Variants in BBS9 observed in about 807,000 individuals in gnomAD.
BBS9 encodes the protein Bardet-Biedl syndrome 9.
In BBS9, 89 loss-of-function variants were observed where a neutral mutation model predicts 117.7. The observed-to-expected ratio is 0.76, with a 90% CI of 0.64 to 0.90. BBS9 has a LOEUF of 0.90. Ranked by LOEUF, BBS9 falls within the 40% of genes least tolerant of loss-of-function variation. BBS9 has a pLI of 0.00. For missense variants in BBS9, 982 were observed against 1,042.2 expected, an observed-to-expected ratio of 0.94 and a Z score of 0.80; for synonymous variants, 379 against 370.9, an observed-to-expected ratio of 1.02 and a Z score of -0.25.
At chr7:33,156,261 A>T (rs1293051503) in intron 4 of BBS9, among the ~76,000 whole-genome samples, 2 of 152,102 alleles carry the variant, frequency 1.3e-5, no homozygotes, top group African/African-American at 4.8e-5. Flanking sequence ...TTTTTATTAT[A>T]TTTTATTTTG....
chr7:33,226,236 T>G (rs1791249999), intron 5 of BBS9, among the ~76,000 whole-genome samples: 1 of 152,212 alleles, frequency 6.6e-6, no homozygotes, highest in South Asian at 2.1e-4. Flanking sequence ...GAGATTTTTT[T>G]TTTCCAGGAG....
intron 2 of BBS9, among the ~76,000 whole-genome samples, chr7:33,148,200 G>T (rs1792717698): frequency 6.6e-6 from 1 of 152,178 alleles, no homozygotes. Flanking sequence ...AATAGAGGTA[G>T]AGATTTGGGG....
At chr7:33,363,675 A>G (rs1821063679) in intron 16 of BBS9, among the ~76,000 whole-genome samples, 1 of 149,254 alleles carries the variant, frequency 6.7e-6, no homozygotes, top group Admixed American at 6.6e-5. Flanking sequence ...AGCTATAAGT[A>G]TTTTTTAGAT....
At chr7:33,320,000 A>G (rs1811360149) in intron 9 of BBS9, among the ~76,000 whole-genome samples, 1 of 152,306 alleles carries the variant, frequency 6.6e-6, no homozygotes, top group South Asian at 2.1e-4. Context: ...TTATATTTTT[A>G]TGGGGTACAG....
chr7:33,345,037 T>G (rs1817338386), intron 12 of BBS9, among the ~76,000 whole-genome samples: 1 of 152,204 alleles, frequency 6.6e-6, no homozygotes, highest in Non-Finnish European at 1.5e-5. Context: ...AGCACGGGGA[T>G]GGTAATATCT....
At chr7:33,175,353 G>A (rs930574188) in intron 4 of BBS9, among the ~76,000 whole-genome samples, 1 of 151,778 alleles carries the variant, frequency 6.6e-6, no homozygotes, top group Admixed American at 6.6e-5. Flanking sequence ...TTAACCATTT[G>A]TGGGGACCAT....
chr7:33,521,297 T>G (rs896544741), intron 20 of BBS9, among the ~76,000 whole-genome samples: 3 of 152,208 alleles, frequency 2.0e-5, no homozygotes, highest in Non-Finnish European at 2.9e-5. Flanking sequence ...GCTTTCTGCT[T>G]GCACTGCAGC....
At chr7:33,406,316 C>G (rs528767531) in intron 19 of BBS9, among the ~76,000 whole-genome samples, 4 of 152,242 alleles carry the variant, frequency 2.6e-5, no homozygotes, top group South Asian at 4.1e-4. Context: ...AATATATATT[C>G]TGTTGATTTG....
At chr7:33,460,797 T>C (rs1839350699) in intron 19 of BBS9, among the ~76,000 whole-genome samples, 1 of 151,914 alleles carries the variant, frequency 6.6e-6, no homozygotes, top group African/African-American at 2.4e-5. Context: ...TTTAATGCAT[T>C]CACAATGTTG....
At chr7:33,513,403 T>C (rs963504447) in intron 20 of BBS9, among the ~76,000 whole-genome samples, 21 of 152,022 alleles carry the variant, frequency 1.4e-4, no homozygotes, top group African/African-American at 5.1e-4. Flanking sequence ...TATATTCTAA[T>C]AAATATAAGG....
intron 9 of BBS9, among the ~76,000 whole-genome samples, chr7:33,318,000 C>T (rs1172200229): frequency 2.0e-5 from 3 of 152,056 alleles, no homozygotes; most frequent in Admixed American, 6.5e-5. Flanking sequence ...TGCAGTGAGT[C>T]GAGATCACAC....
intron 21 of BBS9, among the ~76,000 whole-genome samples, chr7:33,552,836 G>A (rs1172602558): frequency 1.3e-5 from 2 of 152,094 alleles, no homozygotes; most frequent in Non-Finnish European, 2.9e-5. Flanking sequence ...TTCTTTCTCA[G>A]AAGATGACTT....
Position 33,234,101 on chromosome 7 carries a change from G to A in BBS9, c.443-23135G>A, listed in dbSNP as rs148275586. On this transcript the variant is annotated intron_variant, in intron 5 of 22. Transcript: ENST00000242067. ...AGCCTTCTCAATGATCACATCGACT[G>A]TGGTGGTGATCACAGTGTTTGTGTT... 2.3e-4 allele frequency among the ~76,000 whole-genome samples: 35 copies of A among 152,242 alleles called. No individual in the cohort carries two copies. In the East Asian group the frequency reaches 5.6e-3, roughly 24 times the overall value.
intron 9 of BBS9, among the ~76,000 whole-genome samples, chr7:33,306,380 G>A (rs1480149159): frequency 1.3e-5 from 2 of 151,932 alleles, no homozygotes; most frequent in Admixed American, 6.5e-5. Flanking sequence ...CCTTCCATGT[G>A]CGAAATTCAT....
At chr7:33,364,335 T>C (rs1584501034) in intron 16 of BBS9, among the ~76,000 whole-genome samples, 1 of 152,166 alleles carries the variant, frequency 6.6e-6, no homozygotes, top group Admixed American at 6.5e-5. Flanking sequence ...TGTAATTTAG[T>C]TTTTTTCTAC....
chr7:33,456,799 A>G (rs1838718674), intron 19 of BBS9, among the ~76,000 whole-genome samples: 1 of 152,230 alleles, frequency 6.6e-6, no homozygotes. Context: ...AAGTGACAAG[A>G]TGTAACATCT....
intron 19 of BBS9, among the ~76,000 whole-genome samples, chr7:33,401,442 T>C (rs779488245): frequency 3.0e-4 from 46 of 152,078 alleles, no homozygotes; most frequent in Non-Finnish European, 8.8e-5. Context: ...CCTAAGAACA[T>C]GTGCCTAAGG....
intron 5 of BBS9, among the ~76,000 whole-genome samples, chr7:33,216,440 T>C (rs753739149): frequency 6.6e-6 from 1 of 152,198 alleles, no homozygotes; most frequent in African/African-American, 2.4e-5. Context: ...GAAAAGTAAT[T>C]CTTTTCCATA....
At chr7:33,345,792 A>G (rs574296556) in intron 12 of BBS9, among the ~76,000 whole-genome samples, 1 of 152,358 alleles carries the variant, frequency 6.6e-6, no homozygotes, top group South Asian at 2.1e-4. Context: ...ATCTACTGAT[A>G]ACGTTCAGAC....
Sources: gnomAD v4.1 joint callset for allele counts (sites outside exome capture counted in the v4.1 genomes callset) on GRCh38, gnomAD v4.1.1 for gene constraint, MANE v1.5 for transcripts, NCBI Gene and HGNC (gene_info 2026-07-23, HGNC 2026-07-21) for gene names.